Variants in ZNF804A observed in about 807,000 individuals in gnomAD.
ZNF804A encodes zinc finger protein 804A.
In ZNF804A, 2 loss-of-function variants were observed where a neutral mutation model predicts 16.5. That is an observed-to-expected ratio of 0.12 (90% CI 0.05 to 0.38). The LOEUF (loss-of-function observed/expected upper bound fraction) is 0.38, where lower values mean the gene tolerates loss of function less well. Ranked by LOEUF, ZNF804A falls within the 10% of genes least tolerant of loss-of-function variation. The pLI is 0.99. For missense variants in ZNF804A, 1,473 were observed against 1,390.7 expected, an observed-to-expected ratio of 1.06 and a Z score of -0.94; for synonymous variants, 534 against 489.6, an observed-to-expected ratio of 1.09 and a Z score of -1.20.
intron 1 of ZNF804A, among the ~76,000 whole-genome samples, chr2:184,628,572 C>G (rs1030908314): frequency 1.3e-5 from 2 of 151,954 alleles, no homozygotes; most frequent in African/African-American, 4.8e-5. Context: ...AATTCTTACT[C>G]AAAATTAAAT....
intron 1 of ZNF804A, among the ~76,000 whole-genome samples, chr2:184,636,423 C>CTGTGTGTGTGTG (rs746003358): frequency 1.8e-4 from 18 of 99,246 alleles, no homozygotes; most frequent in African/African-American, 5.5e-4. Flanking sequence ...GGCTCTAGGG[C>CTGTGTGTGTGTG]TGTGTGTGTG....
intron 2 of ZNF804A, among the ~76,000 whole-genome samples, chr2:184,912,660 TG>T (rs1685382035): frequency 6.6e-6 from 1 of 152,072 alleles, no homozygotes; most frequent in Non-Finnish European, 1.5e-5. Flanking sequence ...GAGTGTGAAA[TG>T]GTTTCTAATT....
intron 1 of ZNF804A, among the ~76,000 whole-genome samples, chr2:184,698,598 G>A (rs905401249): frequency 1.3e-5 from 2 of 152,062 alleles, no homozygotes; most frequent in African/African-American, 4.8e-5. Flanking sequence ...GACTGTCGCT[G>A]AAACTGGCTT....
In ZNF804A at chr2:184,936,026, C is replaced by G; in HGVS notation, c.630C>G (p.His210Gln). Reference sequence around the variant, plus strand: ...ATCAAGCCCAGGGGATTCACAGACACAAAATCGGCTTTTCTTTTGCATTTC... The same window carrying G: ...ATCAAGCCCAGGGGATTCACAGACAGAAAATCGGCTTTTCTTTTGCATTTC... ...VGDQAQGIHRHKIGFSFAFPK... is the reference protein window; with the variant it reads ...VGDQAQGIHRQKIGFSFAFPK... Residue 210 changes from histidine (H) to glutamine (Q), a missense_variant, in exon 4 of 4, where the codon CAC (histidine) becomes CAG (glutamine). Coordinates refer to ENST00000302277, the MANE Select transcript of ZNF804A (RefSeq NM_194250.2). 1 of 1,614,060 alleles carries G rather than the reference C, an allele frequency of 6.2e-7. No homozygotes were observed. The highest frequency in any genetic ancestry group is 8.5e-7 in the Non-Finnish European group (1 of 1,179,964).
At chr2:184,650,760 C>CT (rs1691970539) in intron 1 of ZNF804A, among the ~76,000 whole-genome samples, 1 of 152,100 alleles carries the variant, frequency 6.6e-6, no homozygotes, top group African/African-American at 2.4e-5. Flanking sequence ...TGAAAGGTCT[C>CT]TGCAGGGAAA....
chr2:184,779,422 A>G (rs932046083), intron 1 of ZNF804A, among the ~76,000 whole-genome samples: 1 of 151,922 alleles, frequency 6.6e-6, no homozygotes, highest in African/African-American at 2.4e-5. Context: ...ATGTCACCCT[A>G]TGATGCACAA....
At position 184,655,188 on chromosome 2, in the gene ZNF804A, G is replaced by C. The variant is rs546196917; in HGVS notation, c.111+56118G>C. ...TGTTTGCATTCTTTTTCTAAGTAGA[G>C]CATAAACAAGTGTGGCCACGTTTTA... On this transcript the variant is annotated intron_variant, in intron 1 of 3. Coordinates refer to ENST00000302277, the MANE Select transcript of ZNF804A (RefSeq NM_194250.2). Among the ~76,000 whole-genome samples the C allele has an allele frequency of 2.6e-5, 4 of 152,308 alleles. No homozygotes were observed. The South Asian group carries it at 8.3e-4, about 32-fold the overall frequency.
At chr2:184,608,698 C>G (rs887698381) in intron 1 of ZNF804A, among the ~76,000 whole-genome samples, 2 of 152,148 alleles carry the variant, frequency 1.3e-5, no homozygotes, top group African/African-American at 4.8e-5. Context: ...CTGCTTTTTC[C>G]TTTCTCAGAT....
At chr2:184,773,827 G>T (rs1384666628) in intron 1 of ZNF804A, among the ~76,000 whole-genome samples, 1 of 151,796 alleles carries the variant, frequency 6.6e-6, no homozygotes, top group Admixed American at 6.6e-5. Flanking sequence ...AATTATAAAT[G>T]ATTAATAGGT....
chr2:184,751,362 A>G (rs899590914), intron 1 of ZNF804A, among the ~76,000 whole-genome samples: 1 of 151,536 alleles, frequency 6.6e-6, no homozygotes, highest in East Asian at 1.9e-4. Context: ...ATACAGAAAT[A>G]TCAACTCAAA....
intron 1 of ZNF804A, among the ~76,000 whole-genome samples, chr2:184,836,157 AC>A (rs1695342858): frequency 1.3e-5 from 2 of 152,174 alleles, no homozygotes; most frequent in South Asian, 4.1e-4. Context: ...GGTGCTTGGC[AC>A]ATGGTAGTTG....
intron 1 of ZNF804A, among the ~76,000 whole-genome samples, chr2:184,730,567 C>G (rs1198818971): frequency 6.6e-6 from 1 of 152,162 alleles, no homozygotes; most frequent in Non-Finnish European, 1.5e-5. Context: ...AACTACTGAT[C>G]TTTTTACTGT....
intron 1 of ZNF804A, among the ~76,000 whole-genome samples, chr2:184,778,965 GTAGTAAATTTAATAAAAATTAGAAAT>G (rs549894141): frequency 1.7e-4 from 26 of 151,678 alleles, no homozygotes; most frequent in South Asian, 4.2e-4. Flanking sequence ...AGTGAATAGG[GTAGTAAATTTAATAAAAATTAGAAAT>G]TAGTAAATTT....
intron 1 of ZNF804A, among the ~76,000 whole-genome samples, chr2:184,865,389 C>T (rs1016152357): frequency 2.6e-5 from 4 of 151,916 alleles, no homozygotes; most frequent in Non-Finnish European, 5.9e-5. Context: ...TTGAATTGAA[C>T]ACTGCATCTG....
intron 2 of ZNF804A, among the ~76,000 whole-genome samples, chr2:184,878,378 T>C (rs1273110458): frequency 1.3e-5 from 2 of 151,990 alleles, no homozygotes; most frequent in Admixed American, 1.3e-4. Context: ...TCAATCAAAG[T>C]TGTAAAAATA....
intron 1 of ZNF804A, among the ~76,000 whole-genome samples, chr2:184,859,296 T>C (rs1330889848): frequency 1.3e-5 from 2 of 152,118 alleles, no homozygotes; most frequent in African/African-American, 4.8e-5. Context: ...TATTCTTTTT[T>C]TTAATTATTT....
chr2:184,724,916 G>A (rs1693382341), intron 1 of ZNF804A, among the ~76,000 whole-genome samples: 1 of 151,800 alleles, frequency 6.6e-6, no homozygotes, highest in South Asian at 2.1e-4. Flanking sequence ...TTTTAAGGCA[G>A]TAGGCTGATG....
chr2:184,722,058 A>T (rs1693326226), intron 1 of ZNF804A, among the ~76,000 whole-genome samples: 1 of 151,952 alleles, frequency 6.6e-6, no homozygotes, highest in Non-Finnish European at 1.5e-5. Context: ...TAGAGAGTGG[A>T]ATGATAGACA....
chr2:184,609,974 G>A (rs1231505821), intron 1 of ZNF804A, among the ~76,000 whole-genome samples: 2 of 152,216 alleles, frequency 1.3e-5, no homozygotes, highest in African/African-American at 2.4e-5. Context: ...CTGCAGCAGT[G>A]TTGATAGGTG....
Sources: gnomAD v4.1 joint callset for allele counts (sites outside exome capture counted in the v4.1 genomes callset) on GRCh38, gnomAD v4.1.1 for gene constraint, MANE v1.5 for transcripts, NCBI Gene and HGNC (gene_info 2026-07-23, HGNC 2026-07-21) for gene names.